Variants in HTR2C observed in about 807,000 individuals in gnomAD.
HTR2C encodes the protein 5-hydroxytryptamine receptor 2C.
Under a neutral mutation model 21.0 loss-of-function variants are expected in HTR2C, and 5 were observed. The ratio of observed to expected loss-of-function variants is 0.24; its 90% confidence interval spans 0.12 to 0.50. The LOEUF (loss-of-function observed/expected upper bound fraction) is 0.50. HTR2C is among the 20% of genes least tolerant of loss of function. The probability of loss-of-function intolerance (pLI) is 0.98; values close to 1 mark genes in which losing one functional copy is unlikely to be tolerated. For missense variants in HTR2C, 271 were observed against 371.2 expected (o/e 0.73, Z 2.22); for synonymous variants, 150 against 145.3 (o/e 1.03, Z -0.23).
At chrX:114,836,462 C>T (rs1443618891) in intron 4 of HTR2C, among the ~76,000 whole-genome samples, 1 of 112,210 alleles carries the variant, frequency 8.9e-6, no homozygotes, top group Non-Finnish European at 1.9e-5. Flanking sequence ...GAGAGTGACC[C>T]GATTTTCCAG....
intron 2 of HTR2C, among the ~76,000 whole-genome samples, chrX:114,657,979 C>G (rs1170445392): frequency 1.8e-5 from 2 of 110,663 alleles, no homozygotes; most frequent in Non-Finnish European, 3.8e-5. Context: ...AAACAAGATG[C>G]CCAGGCTTAA....
rs1932161000 is a variant in HTR2C at position 114,693,171 on chromosome X, TTA to T, written c.-79-33685_-79-33684del. The stretch of plus-strand genomic sequence containing the variant: ...AACAAAAACAGCATGTTTCAGTTTT[TTA>T]TGTTTGTTAGGTAAGATAGAGCAAT... On this transcript the variant is annotated intron_variant, in intron 2 of 5. Coordinates refer to ENST00000276198, the MANE Select transcript of HTR2C (RefSeq NM_000868.4). 2.7e-5 allele frequency among the ~76,000 whole-genome samples: 3 copies of T among 111,725 alleles called. No homozygotes were observed. The South Asian group carries it at 1.1e-3, about 42-fold the overall frequency.
intron 4 of HTR2C, among the ~76,000 whole-genome samples, chrX:114,782,874 A>AAC (rs200810686): frequency 1.8e-5 from 2 of 111,224 alleles, no homozygotes; most frequent in South Asian, 3.7e-4. Context: ...GACTTTATGA[A>AAC]ACACACACAC....
chrX:114,768,173 A>G (rs1556435874), intron 4 of HTR2C, among the ~76,000 whole-genome samples: 1 of 111,054 alleles, frequency 9.0e-6, no homozygotes, highest in African/African-American at 3.2e-5. Context: ...GTAATGTTAT[A>G]TTAGTATTTT....
At chrX:114,585,460 C>T (rs1927351248) in intron 1 of HTR2C, among the ~76,000 whole-genome samples, 1 of 111,528 alleles carries the variant, frequency 9.0e-6, no homozygotes, top group African/African-American at 3.3e-5. Flanking sequence ...GCCTCTTATT[C>T]CTGTACTCAG....
chrX:114,702,696 A>G (rs1266799393), intron 2 of HTR2C, among the ~76,000 whole-genome samples: 2 of 109,950 alleles, frequency 1.8e-5, no homozygotes, highest in Admixed American at 9.8e-5. Flanking sequence ...ATGGGATCAA[A>G]TTCACACATA....
intron 5 of HTR2C, among the ~76,000 whole-genome samples, chrX:114,865,361 T>C (rs1401865976): frequency 1.8e-5 from 2 of 112,228 alleles, no homozygotes; most frequent in Non-Finnish European, 3.8e-5. Flanking sequence ...ATTCTGTAGG[T>C]GGGCATATAT....
chrX:114,663,154 C>CT (rs1297192386), intron 2 of HTR2C, among the ~76,000 whole-genome samples: 3 of 109,508 alleles, frequency 2.7e-5, no homozygotes, highest in Admixed American at 9.8e-5. Flanking sequence ...ACTATTACCT[C>CT]TTTTTTTTTG....
At chrX:114,864,056 C>T (rs2071025845) in intron 5 of HTR2C, among the ~76,000 whole-genome samples, 1 of 56,042 alleles carries the variant, frequency 1.8e-5, no homozygotes, top group Admixed American at 2.7e-4. Flanking sequence ...TTGTAGGCAA[C>T]ATAGTTGGCT....
At chrX:114,594,001 T>A (rs1347873887) in intron 1 of HTR2C, among the ~76,000 whole-genome samples, 1 of 112,100 alleles carries the variant, frequency 8.9e-6, no homozygotes, top group Non-Finnish European at 1.9e-5. Flanking sequence ...ATGATTCATG[T>A]CTTAAAGATT....
intron 2 of HTR2C, among the ~76,000 whole-genome samples, chrX:114,690,815 T>A (rs1453032470): frequency 1.8e-5 from 2 of 111,120 alleles, no homozygotes; most frequent in African/African-American, 6.5e-5. Flanking sequence ...TAGAAAAAAT[T>A]TGAGACTGAT....
intron 4 of HTR2C, among the ~76,000 whole-genome samples, chrX:114,824,268 C>T (rs782603479): frequency 1.1e-4 from 12 of 111,449 alleles, no homozygotes; most frequent in Non-Finnish European, 1.3e-4. Flanking sequence ...TAGGAAATAT[C>T]GAGAGCAGGG....
chrX:114,705,399 C>T (rs1449923273), intron 2 of HTR2C, among the ~76,000 whole-genome samples: 74 of 109,465 alleles, frequency 6.8e-4, no homozygotes, highest in African/African-American at 2.1e-3. Flanking sequence ...TCAGAAATAA[C>T]GCCTCATATC....
intron 5 of HTR2C, among the ~76,000 whole-genome samples, chrX:114,873,890 G>T (rs2071111171): frequency 9.0e-6 from 1 of 111,051 alleles, no homozygotes; most frequent in Non-Finnish European, 1.9e-5. Context: ...CCCCAGAATG[G>T]ATTTATCTTA....
At chrX:114,644,449 T>G (rs907596189) in intron 2 of HTR2C, among the ~76,000 whole-genome samples, 7 of 93,756 alleles carry the variant, frequency 7.5e-5, no homozygotes, top group African/African-American at 2.8e-4. Context: ...TTTAGTCATA[T>G]TGTAAGTGCA....
chrX:114,618,717 T>C (rs923777420), intron 2 of HTR2C, among the ~76,000 whole-genome samples: 6 of 112,072 alleles, frequency 5.4e-5, no homozygotes, highest in African/African-American at 1.9e-4. Flanking sequence ...GAAGTGACTA[T>C]TTGCATATTA....
At chrX:114,870,988 T>C (rs782002354) in intron 5 of HTR2C, among the ~76,000 whole-genome samples, 2 of 111,508 alleles carry the variant, frequency 1.8e-5, no homozygotes, top group Non-Finnish European at 3.8e-5. Flanking sequence ...TTCCTCTTGC[T>C]TTTTTTAGTT....
intron 4 of HTR2C, among the ~76,000 whole-genome samples, chrX:114,737,946 T>C: frequency 8.9e-6 from 1 of 112,456 alleles, no homozygotes; most frequent in Non-Finnish European, 1.9e-5. Flanking sequence ...CTTTGATACA[T>C]AAACCAGGTA....
intron 5 of HTR2C, among the ~76,000 whole-genome samples, chrX:114,903,385 A>G (rs2071350625): frequency 8.9e-6 from 1 of 112,606 alleles, no homozygotes; most frequent in African/African-American, 3.2e-5. Flanking sequence ...AAATTGAGAT[A>G]ATACATTCTA....
Sources: gnomAD v4.1 joint callset for allele counts (sites outside exome capture counted in the v4.1 genomes callset) on GRCh38, gnomAD v4.1.1 for gene constraint, MANE v1.5 for transcripts, NCBI Gene and HGNC (gene_info 2026-07-23, HGNC 2026-07-21) for gene names.